Variants in CHN1 observed in about 807,000 individuals in gnomAD.
The protein encoded by CHN1 is N-chimaerin.
Under a neutral mutation model 59.5 loss-of-function variants are expected in CHN1, and 37 were observed. That is an observed-to-expected ratio of 0.62 (90% CI 0.48 to 0.82). CHN1 has a LOEUF of 0.82. Among genes scored for constraint, CHN1 ranks in the 40% least tolerant of loss-of-function variants. The pLI is 0.00. For missense variants in CHN1, 469 were observed against 571.0 expected, an observed-to-expected ratio of 0.82 and a Z score of 1.82; for synonymous variants, 206 against 200.4, an observed-to-expected ratio of 1.03 and a Z score of -0.24.
rs573557272 is a variant in CHN1 at position 174,998,860 on chromosome 2, T to C, written c.19+6034A>G. The stretch of plus-strand genomic sequence containing the variant: ...TGGATATAAAACCATTCTTTTCTTC[T>C]ATCTAATCTTTGTTTTTAAAGCTCA... On this transcript the variant is annotated intron_variant, in intron 1 of 12. Transcript: ENST00000409900. Among the ~76,000 whole-genome samples, 448 of 152,322 alleles carry C rather than the reference T, an allele frequency of 2.9e-3. 2 individuals are homozygous for C. Among genetic ancestry groups the C allele is most frequent in the African/African-American group, 0.01 (425 of 41,574 alleles).
intron 3 of CHN1, among the ~76,000 whole-genome samples, chr2:174,926,845 C>T (rs999360208): frequency 6.6e-6 from 1 of 151,876 alleles, no homozygotes; most frequent in Non-Finnish European, 1.5e-5. Flanking sequence ...GCAAGCTCCG[C>T]CTCCCAGGTT....
At chr2:174,956,799 A>C (rs1444042231) in intron 1 of CHN1, among the ~76,000 whole-genome samples, 2 of 152,012 alleles carry the variant, frequency 1.3e-5, no homozygotes, top group Non-Finnish European at 2.9e-5. Context: ...AATGAATAAC[A>C]GATTACATGA....
chr2:174,891,217 C>G (rs1331305201), intron 5 of CHN1, among the ~76,000 whole-genome samples: 1 of 138,778 alleles, frequency 7.2e-6, no homozygotes, highest in Non-Finnish European at 1.6e-5. Flanking sequence ...AAATAATATA[C>G]TCTTGGAAAA....
chr2:174,884,299 A>G (rs1042802141), intron 5 of CHN1, among the ~76,000 whole-genome samples: 2 of 152,094 alleles, frequency 1.3e-5, no homozygotes, highest in African/African-American at 4.8e-5. Context: ...AGAAAGAGAG[A>G]AGAGACAAAA....
At chr2:174,860,541 C>A (rs978927902) in intron 6 of CHN1, among the ~76,000 whole-genome samples, 7 of 152,118 alleles carry the variant, frequency 4.6e-5, no homozygotes, top group Admixed American at 4.6e-4. Context: ...AGTTTTCACT[C>A]AGCATACATT....
Position 174,964,830 on chromosome 2 carries a change from T to C in CHN1, c.20-12628A>G, listed in dbSNP as rs559741417. Among the ~76,000 whole-genome samples the C allele has an allele frequency of 5.8e-4, 88 of 152,352 alleles. 1 individual carries two copies. In the South Asian group the frequency reaches 0.017, roughly 30 times the overall value. Reference sequence around the variant, plus strand: ...CCTTATCTAAACATATTTTTATATATTCTATCATGTTTATGAAAAGCGATT... The same window carrying C: ...CCTTATCTAAACATATTTTTATATACTCTATCATGTTTATGAAAAGCGATT... On this transcript the variant is annotated intron_variant, in intron 1 of 12. Coordinates refer to ENST00000409900, the MANE Select transcript of CHN1 (RefSeq NM_001822.7).
chr2:174,929,269 T>C (rs1332898267), intron 3 of CHN1, among the ~76,000 whole-genome samples: 1 of 152,210 alleles, frequency 6.6e-6, no homozygotes, highest in Non-Finnish European at 1.5e-5. Flanking sequence ...TTTAATACCC[T>C]ATAAATACTA....
chr2:174,910,402 T>A (rs539031704), intron 5 of CHN1, among the ~76,000 whole-genome samples: 1 of 152,082 alleles, frequency 6.6e-6, no homozygotes, highest in Non-Finnish European at 1.5e-5. Context: ...TTTTTTTTTT[T>A]AATTTCCAAG....
intron 6 of CHN1, chr2:174,875,808 G>C: frequency 5.1e-6 from 5 of 985,292 alleles, no homozygotes; most frequent in Non-Finnish European, 6.0e-6. Context: ...CATTGTGACA[G>C]GGAATCAACG....
intron 6 of CHN1, among the ~76,000 whole-genome samples, chr2:174,870,077 C>T (rs1052810354): frequency 5.9e-5 from 9 of 152,046 alleles, no homozygotes; most frequent in Non-Finnish European, 8.8e-5. Flanking sequence ...AGAATGTAAA[C>T]GAAGCCATCA....
At chr2:174,952,313 AT>A in intron 1 of CHN1, 111 bp from the exon 2 acceptor site, 1 of 682,572 alleles carries the variant, frequency 1.5e-6, no homozygotes, top group South Asian at 3.0e-5. Flanking sequence ...TGTTCTAGGT[AT>A]TGTGCTAGGC....
chr2:174,862,066 A>T (rs1687084008), intron 6 of CHN1, among the ~76,000 whole-genome samples: 1 of 152,180 alleles, frequency 6.6e-6, no homozygotes, highest in Non-Finnish European at 1.5e-5. Flanking sequence ...CTATAAAATT[A>T]CAAAATTATT....
In CHN1 at chr2:174,925,385, T is replaced by A. The variant is rs940525096; in HGVS notation, c.115-6820A>T. Among the ~76,000 whole-genome samples the A allele has an allele frequency of 3.3e-5, 5 of 152,332 alleles. No homozygotes were observed. The South Asian group carries it at 1.0e-3, about 32-fold the overall frequency. On this transcript the variant is annotated intron_variant, in intron 3 of 12. Transcript: ENST00000409900. ...TTCTAAAGGAGATACAAATATTTTA[T>A]CCCAAAATATATTTCTTTGACATAT... is the stretch of plus-strand genomic sequence containing the variant.
chr2:174,954,081 G>T (rs1424050044), intron 1 of CHN1, among the ~76,000 whole-genome samples: 1 of 152,126 alleles, frequency 6.6e-6, no homozygotes, highest in Non-Finnish European at 1.5e-5. Context: ...CATAGTACTG[G>T]TATCAAAATA....
intron 2 of CHN1, among the ~76,000 whole-genome samples, chr2:174,949,784 T>C (rs1689959588): frequency 6.6e-6 from 1 of 152,244 alleles, no homozygotes; most frequent in Non-Finnish European, 1.5e-5. Context: ...TTTAACATAG[T>C]TTAATTATAA....
At chr2:174,977,402 A>AATTGC (rs1434049100) in intron 1 of CHN1, among the ~76,000 whole-genome samples, 1 of 152,214 alleles carries the variant, frequency 6.6e-6, no homozygotes, top group Non-Finnish European at 1.5e-5. Context: ...TCTGTCAAAG[A>AATTGC]ATTGCTGTTT....
In CHN1 at chr2:174,877,869, T is replaced by A; in HGVS notation, c.520A>T (p.Thr174Ser). 6.2e-7 allele frequency: 1 copy of A among 1,613,770 alleles called. No individual in the cohort carries two copies. Among genetic ancestry groups the A allele is most frequent in the Non-Finnish European group, 8.5e-7 (1 of 1,179,722 alleles). The part of the protein sequence containing the change: ...LKETHDERDS[T>S]GQDGVSEKRL... ...TTCTCTGACACCCCATCCTGGCCTGTAGAATCTCTCTCATCATGTGTCTCT... is the reference window on the plus strand; with the variant it reads ...TTCTCTGACACCCCATCCTGGCCTGAAGAATCTCTCTCATCATGTGTCTCT... Residue 174 changes from threonine to serine, a missense_variant, in exon 6 of 13, where the codon ACA (threonine) becomes TCA (serine). Thr to Ser is a moderately conservative substitution (Grantham distance 58). Transcript: ENST00000409900.
chr2:174,988,162 T>A (rs1691411507), intron 1 of CHN1, among the ~76,000 whole-genome samples: 1 of 151,904 alleles, frequency 6.6e-6, no homozygotes, highest in Non-Finnish European at 1.5e-5. Flanking sequence ...ATCGAGACCA[T>A]CCTGGCTAAC....
chr2:174,970,059 C>T (rs1690713336), intron 1 of CHN1, among the ~76,000 whole-genome samples: 1 of 152,194 alleles, frequency 6.6e-6, no homozygotes, highest in Admixed American at 6.5e-5. Context: ...CCAGTACACA[C>T]TCACAGTAAA....
Sources: gnomAD v4.1 joint callset for allele counts (sites outside exome capture counted in the v4.1 genomes callset) on GRCh38, gnomAD v4.1.1 for gene constraint, MANE v1.5 for transcripts, NCBI Gene and HGNC (gene_info 2026-07-23, HGNC 2026-07-21) for gene names.